The following AKAP13 variants were observed in gnomAD, a reference collection of about 807,000 sequenced individuals.
AKAP13 encodes the protein A-kinase anchor protein 13.
A neutral mutation model predicts 264.5 loss-of-function variants in AKAP13; 80 were observed. The observed-to-expected ratio is 0.30, with a 90% confidence interval of 0.25 to 0.36. AKAP13 has a LOEUF of 0.36. Ranked by LOEUF, AKAP13 falls within the 10% of genes least tolerant of loss-of-function variation. AKAP13 has a pLI of 1.00. For missense variants in AKAP13, 3,712 were observed against 3,435.2 expected (o/e 1.08, Z -2.01); for synonymous variants, 1,380 against 1,250.2 (o/e 1.10, Z -2.19).
chr15:85,562,189 A>T (rs1448712874), intron 5 of AKAP13, among the ~76,000 whole-genome samples: 2 of 152,208 alleles, frequency 1.3e-5, no homozygotes, highest in East Asian at 3.8e-4. Flanking sequence ...GTTGATAAAT[A>T]TTAACAATAA....
At chr15:85,599,960 C>T (rs868409472) in intron 8 of AKAP13, among the ~76,000 whole-genome samples, 27 of 151,994 alleles carry the variant, frequency 1.8e-4, no homozygotes, top group African/African-American at 6.5e-4. Context: ...TAGATAATAC[C>T]AACCATCTAT....
At chr15:85,722,887 AC>A (rs2087381256) in intron 25 of AKAP13, among the ~76,000 whole-genome samples, 184 bp from the exon 26 acceptor site, 1 of 152,156 alleles carries the variant, frequency 6.6e-6, no homozygotes, top group Non-Finnish European at 1.5e-5. Context: ...AAAACTTCTG[AC>A]TTTTTTTAGA....
intron 5 of AKAP13, among the ~76,000 whole-genome samples, chr15:85,568,939 C>T (rs905897033): frequency 6.6e-6 from 1 of 152,032 alleles, no homozygotes; most frequent in African/African-American, 2.4e-5. Context: ...CTGTAAGAGT[C>T]CAGGTAATTC....
Position 85,696,459 on chromosome 15 carries a change from A to G in AKAP13, c.5464+3008A>G, listed in dbSNP as rs571243372. On this transcript the variant is annotated intron_variant, in intron 17 of 36. Transcript: ENST00000394518. ...CACTTATCAATTAGACATTAACTCA[A>G]TTTTTCTTCTACGTTAAGGAGTCAT... 4.6e-5 allele frequency among the ~76,000 whole-genome samples: 7 copies of G among 152,232 alleles called. No individual in the cohort carries two copies. The South Asian group carries it at 1.5e-3, about 32-fold the overall frequency.
intron 5 of AKAP13, among the ~76,000 whole-genome samples, chr15:85,558,249 T>C (rs770323497): frequency 1.3e-5 from 2 of 152,228 alleles, no homozygotes; most frequent in African/African-American, 2.4e-5. Context: ...AGCAGCAAAT[T>C]ACAGGAGAAA....
chr15:85,459,539 G>A (rs545023570), intron 1 of AKAP13, among the ~76,000 whole-genome samples: 21 of 146,056 alleles, frequency 1.4e-4, no homozygotes, highest in Middle Eastern at 3.8e-3. Flanking sequence ...TCGCTCTGTC[G>A]CCCAGGCTGG....
In AKAP13 at chr15:85,661,902, G is replaced by GAA. The variant is rs57846021; in HGVS notation, c.4800-2645_4800-2644dup. Among the ~76,000 whole-genome samples the GAA allele has an allele frequency of 1.1e-3, 154 of 136,618 alleles. 1 individual carries two copies. The highest frequency in any genetic ancestry group is 7.5e-3 in the Middle Eastern group (2 of 268). The allele number at this position is 136,618 out of a possible 152,430, so 89.6% of individuals were successfully genotyped here. On this transcript the variant is annotated intron_variant, in intron 12 of 36. Transcript: ENST00000394518. Reference sequence around the variant, plus strand: ...GGTTGGATCCGTAATGGAAACACATGAAAAAAAAAAAAAAAAACCGGATGA... The same window carrying GAA: ...GGTTGGATCCGTAATGGAAACACATGAAAAAAAAAAAAAAAAAAACCGGATGA...
intron 4 of AKAP13, among the ~76,000 whole-genome samples, chr15:85,542,859 A>G (rs1370219240): frequency 6.6e-6 from 1 of 152,268 alleles, no homozygotes; most frequent in Non-Finnish European, 1.5e-5. Flanking sequence ...TCATAATACT[A>G]GCATTTCATC....
At chr15:85,525,058 A>ATTTTTT (rs11419433) in intron 3 of AKAP13, among the ~76,000 whole-genome samples, 1 of 129,496 alleles carries the variant, frequency 7.7e-6, no homozygotes, top group Non-Finnish European at 1.6e-5. Flanking sequence ...CTATCTTTAA[A>ATTTTTT]TTTTTTTTTT....
At chr15:85,586,056 T>C (rs1299794183) in intron 8 of AKAP13, among the ~76,000 whole-genome samples, 3 of 152,244 alleles carry the variant, frequency 2.0e-5, no homozygotes, top group Admixed American at 6.5e-5. Context: ...TCTTATAGAT[T>C]ATGCTGAAAA....
chr15:85,743,648 AAAGAT>A lies in AKAP13; in HGVS notation c.8219_8223del (p.Asp2740GlyfsTer57), dbSNP rs747395454. 4 of 1,614,186 alleles carry A rather than the reference AAAGAT, an allele frequency of 2.5e-6. No homozygotes were observed. The highest frequency in any genetic ancestry group is 1.7e-5 in the Admixed American group (1 of 60,014). On this transcript the variant is annotated frameshift_variant, in exon 36 of 37. Transcript: ENST00000394518. LOFTEE classifies it high-confidence loss of function. ...AAGGAACAGCATCTCTCGGACACAC[AAAGAT>A]AAGGGGCCTTTTCACATACTGAGTT...
intron 12 of AKAP13, among the ~76,000 whole-genome samples, chr15:85,659,607 C>T (rs2083247761): frequency 7.2e-6 from 1 of 138,162 alleles, no homozygotes; most frequent in Non-Finnish European, 1.6e-5. Flanking sequence ...GTAGAAGGTT[C>T]TTTGGAGATA....
chr15:85,429,133 CTT>C (rs2072921065), intron 1 of AKAP13, among the ~76,000 whole-genome samples: 2 of 152,198 alleles, frequency 1.3e-5, no homozygotes. Flanking sequence ...ATATTACTCT[CTT>C]ATTTAGAATG....
rs539538569 is a variant in AKAP13 at position 85,525,529 on chromosome 15, A to G, written c.181+3954A>G. Among the ~76,000 whole-genome samples, 11 of 152,360 alleles carry G rather than the reference A, an allele frequency of 7.2e-5. No individual in the cohort carries two copies. The South Asian group carries it at 2.3e-3, about 32-fold the overall frequency. On this transcript the variant is annotated intron_variant, in intron 3 of 36. Coordinates refer to ENST00000394518, the MANE Select transcript of AKAP13 (RefSeq NM_007200.5). ...GCGTTATAATAAAATATTACATTTA[A>G]AACACCTATGAAAGTGGCTAGTTCA...
intron 3 of AKAP13, among the ~76,000 whole-genome samples, chr15:85,527,903 T>G (rs1596444254): frequency 6.6e-6 from 1 of 152,302 alleles, no homozygotes; most frequent in South Asian, 2.1e-4. Flanking sequence ...AAGATATTAT[T>G]TTTATATTTT....
At chr15:85,406,193 CTA>C (rs764730393) in intron 1 of AKAP13, among the ~76,000 whole-genome samples, 12 of 152,114 alleles carry the variant, frequency 7.9e-5, no homozygotes, top group Non-Finnish European at 1.6e-4. Context: ...GATAAATAAA[CTA>C]TTTCTCTGGA....
chr15:85,486,035 A>G (rs1440974083), intron 2 of AKAP13, among the ~76,000 whole-genome samples: 12 of 152,236 alleles, frequency 7.9e-5, no homozygotes, highest in Non-Finnish European at 1.6e-4. Flanking sequence ...GCCAAACAGT[A>G]CTGTAGCTTC....
At chr15:85,454,852 G>C (rs992414830) in intron 1 of AKAP13, among the ~76,000 whole-genome samples, 4 of 152,130 alleles carry the variant, frequency 2.6e-5, no homozygotes, top group African/African-American at 4.8e-5. Context: ...ACTCACTGAA[G>C]ATCATTTGGT....
chr15:85,539,609 C>T lies in AKAP13; in HGVS notation c.479-4163C>T, dbSNP rs561211453. 2.0e-5 allele frequency among the ~76,000 whole-genome samples: 3 copies of T among 152,294 alleles called. No individual in the cohort carries two copies. In the South Asian group the frequency reaches 6.2e-4, roughly 32 times the overall value. On this transcript the variant is annotated intron_variant, in intron 4 of 36. Transcript: ENST00000394518. The stretch of plus-strand genomic sequence containing the variant: ...CTGACCATTTATAAAAGATACAACC[C>T]TCTAGCAGGCTCATCATGCTTGAAT...
Sources: gnomAD v4.1 joint callset for allele counts (sites outside exome capture counted in the v4.1 genomes callset) on GRCh38, gnomAD v4.1.1 for gene constraint, MANE v1.5 for transcripts, NCBI Gene and HGNC (gene_info 2026-07-23, HGNC 2026-07-21) for gene names.